The following CPNE8 variants were observed in gnomAD, a reference collection of about 807,000 sequenced individuals.
CPNE8 encodes copine 8.
In CPNE8, 45 loss-of-function variants were observed where a neutral mutation model predicts 81.5. The ratio of observed to expected loss-of-function variants is 0.55; its 90% CI spans 0.44 to 0.71. The LOEUF (loss-of-function observed/expected upper bound fraction) is 0.71. Ranked by LOEUF, CPNE8 falls within the 30% of genes least tolerant of loss-of-function variation. CPNE8 has a pLI of 0.00. For missense variants in CPNE8, 594 were observed against 672.1 expected (o/e 0.88, Z 1.28); for synonymous variants, 252 against 226.3 (o/e 1.11, Z -1.02).
intron 1 of CPNE8, among the ~76,000 whole-genome samples, chr12:38,898,545 T>C (rs1490583477): frequency 6.6e-6 from 1 of 152,208 alleles, no homozygotes; most frequent in Non-Finnish European, 1.5e-5. Context: ...ATATGGCTCA[T>C]TAACAGCACA....
At chr12:38,669,495 A>T (rs1565561014) in intron 19 of CPNE8, among the ~76,000 whole-genome samples, 1 of 152,212 alleles carries the variant, frequency 6.6e-6, no homozygotes, top group Non-Finnish European at 1.5e-5. Flanking sequence ...TATAAAGCTT[A>T]TCCAAGTTAT....
At chr12:38,787,688 A>C (rs1032249000) in intron 6 of CPNE8, among the ~76,000 whole-genome samples, 1 of 151,706 alleles carries the variant, frequency 6.6e-6, no homozygotes, top group Non-Finnish European at 1.5e-5. Flanking sequence ...AAACAAAATC[A>C]ACAAACCTTT....
At chr12:38,782,088 A>C (rs1210758821) in intron 6 of CPNE8, among the ~76,000 whole-genome samples, 1 of 152,152 alleles carries the variant, frequency 6.6e-6, no homozygotes. Flanking sequence ...TTGTCTTTCT[A>C]GTTGTGACAA....
At chr12:38,818,896 T>G (rs1368131052) in intron 6 of CPNE8, among the ~76,000 whole-genome samples, 1 of 152,198 alleles carries the variant, frequency 6.6e-6, no homozygotes, top group Non-Finnish European at 1.5e-5. Context: ...TTGATGAGCT[T>G]TTTTTCATAT....
intron 19 of CPNE8, among the ~76,000 whole-genome samples, chr12:38,655,362 G>T (rs1938794391): frequency 6.6e-6 from 1 of 152,074 alleles, no homozygotes; most frequent in South Asian, 2.1e-4. Flanking sequence ...TTTTCCCTTA[G>T]GGGCATAATG....
At chr12:38,722,478 C>T (rs967750701) in intron 13 of CPNE8, among the ~76,000 whole-genome samples, 2 of 152,114 alleles carry the variant, frequency 1.3e-5, no homozygotes, top group African/African-American at 4.8e-5. Flanking sequence ...TCTTTGTTCC[C>T]TTGGTCCCCC....
chr12:38,862,808 G>T (rs1171510208), intron 3 of CPNE8, among the ~76,000 whole-genome samples: 2 of 152,104 alleles, frequency 1.3e-5, no homozygotes, highest in African/African-American at 4.8e-5. Context: ...AATGAGTCAG[G>T]CCTGGTGGCA....
intron 6 of CPNE8, among the ~76,000 whole-genome samples, chr12:38,786,951 T>C (rs977705275): frequency 6.6e-6 from 1 of 152,076 alleles, no homozygotes; most frequent in African/African-American, 2.4e-5. Flanking sequence ...CATCCAGATA[T>C]ATAACACAAA....
At chr12:38,714,710 T>C (rs1940344426) in intron 13 of CPNE8, among the ~76,000 whole-genome samples, 1 of 152,112 alleles carries the variant, frequency 6.6e-6, no homozygotes, top group Non-Finnish European at 1.5e-5. Flanking sequence ...TGATTTAGAA[T>C]GCATCTGTCT....
At chr12:38,701,891 G>C in intron 14 of CPNE8, among the ~76,000 whole-genome samples, 1 of 152,292 alleles carries the variant, frequency 6.6e-6, no homozygotes, top group Non-Finnish European at 1.5e-5. Flanking sequence ...GTGACATGCA[G>C]TGAAAGCTGA....
At chr12:38,897,841 T>C (rs1944409758) in intron 1 of CPNE8, among the ~76,000 whole-genome samples, 1 of 152,100 alleles carries the variant, frequency 6.6e-6, no homozygotes, top group African/African-American at 2.4e-5. Flanking sequence ...CAGTGTTTTA[T>C]CTCACTTACA....
chr12:38,792,577 T>C (rs1942351887), intron 6 of CPNE8, among the ~76,000 whole-genome samples: 1 of 151,606 alleles, frequency 6.6e-6, no homozygotes, highest in Non-Finnish European at 1.5e-5. Context: ...ACAGGTTAAA[T>C]CAATAATCAA....
At chr12:38,848,749 A>G in intron 3 of CPNE8, 87 bp from the exon 4 acceptor site, 3 of 1,391,638 alleles carry the variant, frequency 2.2e-6, no homozygotes, top group Non-Finnish European at 2.8e-6. Context: ...AGTTCTTTTA[A>G]AAAACAAGCA....
intron 10 of CPNE8, among the ~76,000 whole-genome samples, chr12:38,745,903 T>C (rs1941215336): frequency 6.6e-6 from 1 of 152,076 alleles, no homozygotes; most frequent in African/African-American, 2.4e-5. Flanking sequence ...CAAATCTGAG[T>C]CAGGCCGACC....
chr12:38,852,710 A>G (rs2137065025), intron 3 of CPNE8, among the ~76,000 whole-genome samples: 1 of 152,328 alleles, frequency 6.6e-6, no homozygotes, highest in South Asian at 2.1e-4. Context: ...AATAAAATTG[A>G]ACAAATGGTT....
At chr12:38,891,607 C>A (rs12305985) in intron 1 of CPNE8, among the ~76,000 whole-genome samples, 3 of 152,094 alleles carry the variant, frequency 2.0e-5, no homozygotes, top group African/African-American at 4.8e-5. Flanking sequence ...GCCACCATGC[C>A]GGGCTAATTT....
At chr12:38,872,483 C>T (rs1159700287) in intron 3 of CPNE8, among the ~76,000 whole-genome samples, 1 of 152,172 alleles carries the variant, frequency 6.6e-6, no homozygotes, top group Non-Finnish European at 1.5e-5. Flanking sequence ...GATCATCCGC[C>T]CATTTGAATG....
At chr12:38,769,683 T>C (rs1941760929) in intron 7 of CPNE8, among the ~76,000 whole-genome samples, 1 of 152,150 alleles carries the variant, frequency 6.6e-6, no homozygotes, top group Non-Finnish European at 1.5e-5. Context: ...AAACATTCTG[T>C]ATACTTACAA....
chr12:38,712,842 A>C (rs1419195372), intron 13 of CPNE8, among the ~76,000 whole-genome samples: 3 of 152,228 alleles, frequency 2.0e-5, no homozygotes, highest in African/African-American at 7.2e-5. Flanking sequence ...AGTGATTTTC[A>C]TGGGCTTTGT....
Sources: allele counts gnomAD v4.1 joint callset (sites outside exome capture counted in the v4.1 genomes callset), GRCh38; gene constraint gnomAD v4.1.1; transcripts MANE v1.5; gene names NCBI Gene and HGNC (gene_info 2026-07-23, HGNC 2026-07-21).